DNAJC13: variants seen among roughly 807,000 people sequenced by gnomAD.
The protein encoded by DNAJC13 is dnaJ homolog subfamily C member 13.
In DNAJC13, 75 loss-of-function variants were observed where a neutral mutation model predicts 290.5. The observed-to-expected ratio is 0.26, with a 90% CI of 0.21 to 0.31. The LOEUF is 0.31. Among genes scored for constraint, DNAJC13 ranks in the 10% least tolerant of loss-of-function variants. The probability of loss-of-function intolerance (pLI) is 1.00; values close to 1 mark genes in which losing one functional copy is unlikely to be tolerated. For synonymous variants in DNAJC13, 862 were observed against 892.0 expected, an observed-to-expected ratio of 0.97 and a Z score of 0.60; for missense variants, 2,260 against 2,674.5, an observed-to-expected ratio of 0.85 and a Z score of 3.42.
At chr3:132,466,883 A>C (rs966358717) in intron 19 of DNAJC13, among the ~76,000 whole-genome samples, 1 of 152,204 alleles carries the variant, frequency 6.6e-6, no homozygotes, top group African/African-American at 2.4e-5. Flanking sequence ...ACACTACTAT[A>C]ATAATTTCTT....
intron 48 of DNAJC13, among the ~76,000 whole-genome samples, chr3:132,519,268 A>G (rs1032082758): frequency 3.9e-5 from 6 of 152,134 alleles, no homozygotes; most frequent in African/African-American, 1.4e-4. Context: ...TGTATTTATC[A>G]TCTTCTTCTC....
At chr3:132,436,195 G>GC (rs983932533) in intron 2 of DNAJC13, among the ~76,000 whole-genome samples, 5 of 152,094 alleles carry the variant, frequency 3.3e-5, no homozygotes, top group African/African-American at 9.7e-5. Flanking sequence ...TCTAAACACT[G>GC]CGTTACAAAT....
At chr3:132,498,446 G>C (rs578037919) in intron 36 of DNAJC13, among the ~76,000 whole-genome samples, 1 of 151,998 alleles carries the variant, frequency 6.6e-6, no homozygotes, top group Non-Finnish European at 1.5e-5. Flanking sequence ...TGTACCTTGC[G>C]TTCTGTGATG....
Position 132,499,226 on chromosome 3 carries a change from G to T in DNAJC13, c.4257G>T (p.Leu1419Phe). 6.2e-7 allele frequency: 1 copy of T among 1,614,046 alleles called. No homozygotes were observed. Among genetic ancestry groups the T allele is most frequent in the Non-Finnish European group, 8.5e-7 (1 of 1,180,000 alleles). ...DLLFSKESPL[L>F]PAATELAFHT... ...TTTTCTCAAAAGAATCACCATTGTT[G>T]CCTGCGGCTACAGAGCTAGCTTTCC... Residue 1419 changes from leucine to phenylalanine, a missense_variant, in exon 37 of 56, where the codon TTG becomes TTT. Leu to Phe is a conservative substitution (Grantham distance 22, BLOSUM62 0). This residue lies in a region of DNAJC13 where 1,494 missense variants were observed against 1,693.7 expected (regional missense o/e 0.88). Transcript: ENST00000260818.
At chr3:132,454,504 C>CT (rs1172110615) in intron 9 of DNAJC13, among the ~76,000 whole-genome samples, 2 of 149,566 alleles carry the variant, frequency 1.3e-5, no homozygotes, top group Non-Finnish European at 3.0e-5. Flanking sequence ...TTCTTTTTTT[C>CT]TTTTTTTGTA....
At chr3:132,525,542 C>T in intron 51 of DNAJC13, 68 bp from the exon 52 acceptor site, 8 of 1,509,648 alleles carry the variant, frequency 5.3e-6, no homozygotes, top group Non-Finnish European at 7.2e-6. Context: ...ACACCAAATA[C>T]ATTACCTTGG....
intron 40 of DNAJC13, 146 bp from the exon 41 acceptor site, chr3:132,503,068 C>T (rs1935471989): frequency 4.0e-6 from 3 of 756,950 alleles, no homozygotes; most frequent in Non-Finnish European, 6.1e-6. Flanking sequence ...CTGATGTTTA[C>T]CTCAGTGGTA....
chr3:132,484,446 A>G (rs1221557126), intron 28 of DNAJC13, 142 bp from the exon 29 acceptor site: 8 of 691,982 alleles, frequency 1.2e-5, no homozygotes, highest in Admixed American at 4.8e-5. Flanking sequence ...ATACCTAATC[A>G]TGTTCCCAGC....
chr3:132,532,060 T>C (rs985626285), intron 55 of DNAJC13, among the ~76,000 whole-genome samples: 22 of 152,218 alleles, frequency 1.4e-4, no homozygotes, highest in African/African-American at 4.8e-4. Flanking sequence ...ATATCTAGTC[T>C]GCTATAAAAG....
intron 1 of DNAJC13, among the ~76,000 whole-genome samples, chr3:132,428,739 G>GTCCTACC (rs1939168554): frequency 6.6e-6 from 1 of 152,132 alleles, no homozygotes; most frequent in Admixed American, 6.5e-5. Context: ...GTCAAGAAAT[G>GTCCTACC]TCCTACCTCC....
chr3:132,510,056 A>G lies in DNAJC13; in HGVS notation c.5116-1011A>G, dbSNP rs562273399. 3.3e-5 allele frequency among the ~76,000 whole-genome samples: 5 copies of G among 152,258 alleles called. No individual in the cohort carries two copies. In the South Asian group the frequency reaches 8.3e-4, roughly 25 times the overall value. ...GAATTGAATTTTGTGAAGTTTATTC[A>G]TAAGAAGTTGTTCCTTGCCCAGCTT... On this transcript the variant is annotated intron_variant, in intron 43 of 55. Coordinates refer to ENST00000260818, the MANE Select transcript of DNAJC13 (RefSeq NM_015268.4).
intron 53 of DNAJC13, 95 bp from the exon 54 acceptor site, chr3:132,528,094 C>A: frequency 7.2e-7 from 1 of 1,386,484 alleles, no homozygotes; most frequent in Admixed American, 1.9e-5. Context: ...GTGCAACAGG[C>A]TGCCTTCCAG....
At chr3:132,485,695 T>C (rs1364117617) in intron 29 of DNAJC13, among the ~76,000 whole-genome samples, 1 of 152,246 alleles carries the variant, frequency 6.6e-6, no homozygotes, top group Non-Finnish European at 1.5e-5. Context: ...CACAGCAGTC[T>C]TACTAACTTC....
chr3:132,440,090 T>C (rs1933006093), intron 2 of DNAJC13, among the ~76,000 whole-genome samples: 1 of 152,204 alleles, frequency 6.6e-6, no homozygotes, highest in Non-Finnish European at 1.5e-5. Context: ...AAATCCCATC[T>C]CTACTAAAAA....
rs750822120 is a variant in DNAJC13, at chr3:132,516,484, G to A, written c.5548G>A (p.Ala1850Thr). Residue 1850 changes from alanine (A) to threonine (T), a missense_variant, in exon 47 of 56, where the codon GCA becomes ACA. Ala to Thr is a moderately conservative substitution (Grantham distance 58, BLOSUM62 0). Coordinates refer to ENST00000260818, the MANE Select transcript of DNAJC13 (RefSeq NM_015268.4). Reference sequence around the variant, plus strand: ...ATCGAGTACAAAAATAATCAAAGAAGCAATGGCAAAGGGTAATGTATAGAG... The same window carrying A: ...ATCGAGTACAAAAATAATCAAAGAAACAATGGCAAAGGGTAATGTATAGAG... ...LTSSTKIIKE[A>T]MAKGALIYLL... The A allele has an allele frequency of 4.3e-6, 7 of 1,613,794 alleles. No homozygotes were observed. The highest frequency in any genetic ancestry group is 5.9e-6 in the Non-Finnish European group (7 of 1,179,764).
chr3:132,480,934 G>A (rs1027603845), intron 26 of DNAJC13, among the ~76,000 whole-genome samples: 22 of 152,216 alleles, frequency 1.4e-4, no homozygotes, highest in African/African-American at 5.3e-4. Flanking sequence ...GATGTGTCAT[G>A]TTAGATTTCG....
intron 17 of DNAJC13, among the ~76,000 whole-genome samples, chr3:132,465,209 G>A (rs1014730722): frequency 2.0e-5 from 3 of 152,112 alleles, no homozygotes; most frequent in Non-Finnish European, 2.9e-5. Flanking sequence ...CTTCAGTAAT[G>A]TAACATATAT....
At chr3:132,534,430 C>T (rs781649269) in intron 55 of DNAJC13, among the ~76,000 whole-genome samples, 12 of 152,150 alleles carry the variant, frequency 7.9e-5, no homozygotes, top group Middle Eastern at 3.4e-3. Flanking sequence ...CCAAGGTGGG[C>T]GGACTGCTTG....
chr3:132,525,825 A>G (rs1407399564), intron 52 of DNAJC13, 36 bp downstream of exon 52: 1 of 1,593,542 alleles, frequency 6.3e-7, no homozygotes, highest in Non-Finnish European at 8.6e-7. Flanking sequence ...TATAAGCTCC[A>G]GAATTTATCT....
Sources: allele counts gnomAD v4.1 joint callset (sites outside exome capture counted in the v4.1 genomes callset), GRCh38; gene constraint gnomAD v4.1.1; regional missense constraint gnomAD v4.1.1; transcripts MANE v1.5; gene names NCBI Gene and HGNC (gene_info 2026-07-23, HGNC 2026-07-21).